Variants in CAPN11 observed in about 807,000 individuals in gnomAD.
The protein encoded by CAPN11 is calpain-11.
A neutral mutation model predicts 105.3 loss-of-function variants in CAPN11; 108 were observed. The ratio of observed to expected loss-of-function variants is 1.03; its 90% CI spans 0.88 to 1.20. CAPN11 has a LOEUF of 1.20. Ranked by LOEUF, CAPN11 falls within the 50% of genes most tolerant of loss-of-function variation. CAPN11 has a pLI of 0.00. For missense variants in CAPN11, 883 were observed against 924.8 expected (o/e 0.95, Z 0.59); for synonymous variants, 329 against 344.5 (o/e 0.96, Z 0.50).
chr6:44,166,792 T>G lies in CAPN11; in HGVS notation c.51T>G (p.Asp17Glu). The G allele has an allele frequency of 1.3e-6, 2 of 1,552,174 alleles. No individual in the cohort carries two copies. Among genetic ancestry groups the G allele is most frequent in the Non-Finnish European group, 1.7e-6 (2 of 1,147,022 alleles). ...TTCCGGAGTCAGCAGAGAGCCTGGA[T>G]GGATCACAGGAGGATAAGCCTCGGG... ...PSLPESAESL[D>E]GSQEDKPRGS... The change falls in exon 2 of 23, where the codon GAT becomes GAG. Residue 17 changes from aspartate to glutamate, a missense_variant. Asp to Glu is a conservative substitution (Grantham distance 45). Coordinates refer to ENST00000398776, the MANE Select transcript of CAPN11 (RefSeq NM_007058.4).
In CAPN11 at chr6:44,180,543, G is replaced by A. The variant is rs1055071961; in HGVS notation, c.1680+44G>A. 3 of 1,613,642 alleles carry A rather than the reference G, an allele frequency of 1.9e-6. No homozygotes were observed. The African/African-American group carries it at 4.0e-5, about 22-fold the overall frequency. ...GCTGGGGGTTGGAAGGAAGCTCCTG[G>A]GCCTGTGAAAGAAGTTTTCTGACCA... On this transcript the variant is annotated intron_variant, in intron 15 of 22. Transcript: ENST00000398776.
At chr6:44,162,048 C>G in intron 1 of CAPN11, 1 of 374,654 alleles carries the variant, frequency 2.7e-6, no homozygotes, top group South Asian at 1.9e-5. Flanking sequence ...CCAGTAGCTC[C>G]CCTGAGACCT....
intron 4 of CAPN11, 47 bp downstream of exon 4, chr6:44,170,022 G>A: frequency 6.9e-7 from 1 of 1,457,462 alleles, no homozygotes; most frequent in Non-Finnish European, 9.5e-7. Flanking sequence ...AAGAGGATTG[G>A]GGGAGGGGTG....
In CAPN11 at chr6:44,161,677, G is replaced by A. The variant is rs577067255; in HGVS notation, c.16+2813G>A. The A allele has an allele frequency of 3.7e-4, 156 of 416,958 alleles. 2 individuals are homozygous for A. The highest frequency in any genetic ancestry group is 2.6e-3 in the South Asian group (153 of 59,050). The allele number at this position is 416,958 out of a possible 1,614,324, so 25.8% of individuals were successfully genotyped here. A position where few individuals can be genotyped will look rare whatever the true frequency, so the allele number is the denominator to read the frequency against. ...GGCTGGATGGTGACTAGGGGACAGA[G>A]GGCTCTGGGGAAATGAGACAAGGGA... On this transcript the variant is annotated intron_variant, in intron 1 of 22. Coordinates refer to ENST00000398776, the MANE Select transcript of CAPN11 (RefSeq NM_007058.4).
intron 2 of CAPN11, among the ~76,000 whole-genome samples, chr6:44,168,501 C>A (rs1014213580): frequency 2.6e-5 from 4 of 152,060 alleles, no homozygotes; most frequent in Non-Finnish European, 5.9e-5. Context: ...AACTCCTGAC[C>A]TTGTGATCCG....
chr6:44,183,302 C>T (rs1582894095), intron 21 of CAPN11, 67 bp downstream of exon 21: 13 of 957,234 alleles, frequency 1.4e-5, no homozygotes, highest in Non-Finnish European at 2.1e-5. Context: ...CAAACACCCA[C>T]CCTGATGGGT....
intron 13 of CAPN11, 105 bp downstream of exon 13, chr6:44,179,735 G>A (rs1044370164): frequency 8.0e-7 from 1 of 1,243,304 alleles, no homozygotes; most frequent in Admixed American, 1.7e-5. Flanking sequence ...GGCTCTGGGG[G>A]TCACTGGGTT....
rs1008732145 is a variant in CAPN11 at position 44,169,531 on chromosome 6, G to A, written c.339G>A (p.Lys113=). Reference sequence around the variant, plus strand: ...AGAACATCTCCTGGCAGCGGCCCAAGGTGGGCACTGGAAGGGAGGCATGGA... The same window carrying A: ...AGAACATCTCCTGGCAGCGGCCCAAAGTGGGCACTGGAAGGGAGGCATGGA... ...NVQNISWQRP[K]DIINNPLFIM... Residue 113 remains lysine (K), a splice_region_variant and synonymous_variant, in exon 3 of 23, where the codon AAG becomes AAA. Coordinates refer to ENST00000398776, the MANE Select transcript of CAPN11 (RefSeq NM_007058.4). The A allele has an allele frequency of 1.9e-6, 3 of 1,563,778 alleles. No individual in the cohort carries two copies. Among genetic ancestry groups the A allele is most frequent in the Admixed American group, 1.9e-5 (1 of 52,182 alleles).
Position 44,181,248 on chromosome 6 carries a change from C to T in CAPN11, c.1870-4C>T, listed in dbSNP as rs1773088083. 2 of 1,613,380 alleles carry T rather than the reference C, an allele frequency of 1.2e-6. No individual in the cohort carries two copies. Among genetic ancestry groups the T allele is most frequent in the Middle Eastern group, 1.7e-4 (1 of 6,052 alleles). On this transcript the variant is annotated splice_polypyrimidine_tract_variant and splice_region_variant and intron_variant, in intron 18 of 22. Coordinates refer to ENST00000398776, the MANE Select transcript of CAPN11 (RefSeq NM_007058.4). Reference sequence around the variant, plus strand: ...CTTCTCTGCTGTCCTTGACCACCTTCCAGAAAGATGGCTCTGGCAAGCTGG... The same window carrying T: ...CTTCTCTGCTGTCCTTGACCACCTTTCAGAAAGATGGCTCTGGCAAGCTGG...
chr6:44,180,880 C>A, intron 17 of CAPN11, 53 bp from the exon 18 acceptor site: 6 of 1,603,442 alleles, frequency 3.7e-6, no homozygotes, highest in Non-Finnish European at 5.1e-6. Flanking sequence ...CCAGTGCCCC[C>A]ACGATACCTC....
intron 6 of CAPN11, 21 bp from the exon 7 acceptor site, chr6:44,173,197 G>A: frequency 6.2e-7 from 1 of 1,613,252 alleles, no homozygotes; most frequent in African/African-American, 1.3e-5. Context: ...GAGCCCAACA[G>A]TGCCTTCTCT....
chr6:44,184,221 G>A lies in CAPN11; in HGVS notation c.*289G>A. The A allele has an allele frequency of 2.0e-6, 1 of 492,070 alleles. No individual in the cohort carries two copies. Among genetic ancestry groups the A allele is most frequent in the Non-Finnish European group, 3.6e-6 (1 of 274,122 alleles). 30.5% of individuals were successfully genotyped at this position (492,070 alleles called of 1,614,324 possible). A position where few individuals can be genotyped will look rare whatever the true frequency, so the allele number is the denominator to read the frequency against. ...TATATTTTACTAAAGAGTAGTTGAT[G>A]CTTCCCCAGGGTCCCCCTGGCTGGG... On this transcript the variant is annotated 3_prime_UTR_variant, in exon 23 of 23. Transcript: ENST00000398776.
rs1773094793 is a variant in CAPN11 at position 44,181,306 on chromosome 6, C to A, written c.1924C>A (p.Leu642Ile). The part of the protein sequence containing the change: ...LLEFKILWKK[L>I]KKWMDIFREC... ...AGAGTTCAAGATCCTGTGGAAAAAA[C>A]TCAAGAAATGGATGGTAAAGGGCAC... Residue 642 changes from leucine to isoleucine, a missense_variant, in exon 19 of 23, where the codon CTC becomes ATC. Leu to Ile is a conservative substitution (Grantham distance 5). Transcript: ENST00000398776. 3 of 1,611,248 alleles carry A rather than the reference C, an allele frequency of 1.9e-6. No individual in the cohort carries two copies. The highest frequency in any genetic ancestry group is 2.2e-5 in the South Asian group (2 of 91,034).
At chr6:44,167,052 A>G (rs1463503648) in intron 2 of CAPN11, among the ~76,000 whole-genome samples, 2 of 152,056 alleles carry the variant, frequency 1.3e-5, no homozygotes, top group Non-Finnish European at 2.9e-5. Flanking sequence ...GCCGCCTGGC[A>G]GGCCCGGGAT....
chr6:44,177,418 G>A lies in CAPN11; in HGVS notation c.1414G>A (p.Ala472Thr), dbSNP rs147936977. The A allele has an allele frequency of 1.6e-5, 26 of 1,609,484 alleles. No individual in the cohort carries two copies. Among genetic ancestry groups the A allele is most frequent in the South Asian group, 8.8e-5 (8 of 90,904 alleles). The change falls in exon 12 of 23, where the codon GCG becomes ACG. Residue 472 changes from alanine (A) to threonine (T), a missense_variant and splice_region_variant. Ala to Thr is a moderately conservative substitution (Grantham distance 58). Transcript: ENST00000398776. ...GCAGACCATTGGCTTTGTCCTCTACGCGGTGGGTGCCTGGCTGGTCTCGCC... is the reference window on the plus strand; with the variant it reads ...GCAGACCATTGGCTTTGTCCTCTACACGGTGGGTGCCTGGCTGGTCTCGCC... Reference protein sequence around the residue: ...QLQTIGFVLYAVPKEFQNIQD... With the variant: ...QLQTIGFVLYTVPKEFQNIQD...
chr6:44,162,757 G>A (rs1285395585), intron 1 of CAPN11, among the ~76,000 whole-genome samples: 2 of 152,086 alleles, frequency 1.3e-5, no homozygotes, highest in Non-Finnish European at 2.9e-5. Flanking sequence ...GCTGAACCTG[G>A]GGGAGGAATC....
At chr6:44,162,986 T>C (rs1462060669) in intron 1 of CAPN11, among the ~76,000 whole-genome samples, 1 of 152,126 alleles carries the variant, frequency 6.6e-6, no homozygotes, top group Non-Finnish European at 1.5e-5. Flanking sequence ...GGGACACATA[T>C]GTGACACAGA....
chr6:44,180,078 T>A lies in CAPN11; in HGVS notation c.1555T>A (p.Tyr519Asn). 6.2e-7 allele frequency: 1 copy of A among 1,613,216 alleles called. No homozygotes were observed. The highest frequency in any genetic ancestry group is 8.5e-7 in the Non-Finnish European group (1 of 1,179,446). ...CCAACTCCGGCTGCCTCCGGGGGAA[T>A]ATATCATTATTCCCTCCACCTTTGA... The part of the protein sequence containing the change: ...SSQLRLPPGE[Y>N]IIIPSTFEPH... Residue 519 changes from tyrosine (Y) to asparagine (N), a missense_variant, in exon 14 of 23, where the codon TAT becomes AAT. By Grantham distance (143) the Tyr-to-Asn change is moderately radical. Coordinates refer to ENST00000398776, the MANE Select transcript of CAPN11 (RefSeq NM_007058.4).
At chr6:44,173,528 C>G in intron 7 of CAPN11, 142 bp downstream of exon 7, 1 of 596,680 alleles carries the variant, frequency 1.7e-6, no homozygotes, top group Non-Finnish European at 3.0e-6. Flanking sequence ...TCCCTACCTC[C>G]CCGTCTAAAG....
Sources: gnomAD v4.1 joint callset for allele counts (sites outside exome capture counted in the v4.1 genomes callset) on GRCh38, gnomAD v4.1.1 for gene constraint, MANE v1.5 for transcripts, NCBI Gene and HGNC (gene_info 2026-07-23, HGNC 2026-07-21) for gene names.